The following SIN3A variants were observed in gnomAD, a reference collection of about 807,000 sequenced individuals.
SIN3A encodes paired amphipathic helix protein Sin3a.
In SIN3A, 14 loss-of-function variants were observed where a neutral mutation model predicts 146.1. The ratio of observed to expected loss-of-function variants is 0.10; its 90% CI spans 0.06 to 0.15. SIN3A has a LOEUF of 0.15. SIN3A is among the 10% of genes least tolerant of loss of function. The pLI is 1.00. For synonymous variants in SIN3A, 572 were observed against 572.0 expected, an observed-to-expected ratio of 1.00 and a Z score of 0.00; for missense variants, 1,028 against 1,576.0, an observed-to-expected ratio of 0.65 and a Z score of 5.89.
chr15:75,412,321 C>T (rs895111171), intron 5 of SIN3A, among the ~76,000 whole-genome samples: 1 of 152,206 alleles, frequency 6.6e-6, no homozygotes, highest in African/African-American at 2.4e-5. Context: ...ACCAAGAACA[C>T]CCCATCTTCA....
At chr15:75,387,239 T>G (rs2073102449) in intron 16 of SIN3A, among the ~76,000 whole-genome samples, 1 of 152,112 alleles carries the variant, frequency 6.6e-6, no homozygotes, top group Admixed American at 6.5e-5. Flanking sequence ...AAAAAGTCAC[T>G]GTAGGCTGGG....
chr15:75,427,529 G>A (rs921107132), intron 2 of SIN3A, among the ~76,000 whole-genome samples: 23 of 150,684 alleles, frequency 1.5e-4, no homozygotes, highest in Admixed American at 9.9e-4. Flanking sequence ...GCGTGGTGGT[G>A]CACGCCTGTA....
chr15:75,383,719 G>T (rs1347936145), intron 17 of SIN3A, among the ~76,000 whole-genome samples: 1 of 151,968 alleles, frequency 6.6e-6, no homozygotes, highest in Non-Finnish European at 1.5e-5. Context: ...TAGTAGAGAC[G>T]GGGGCAATCC....
chr15:75,396,780 C>G (rs760406122), intron 12 of SIN3A, among the ~76,000 whole-genome samples: 3 of 152,138 alleles, frequency 2.0e-5, no homozygotes, highest in Non-Finnish European at 4.4e-5. Flanking sequence ...GTAGTTATTA[C>G]CACCACCGTC....
chr15:75,389,233 G>A (rs1464654714), intron 16 of SIN3A, among the ~76,000 whole-genome samples: 1 of 151,978 alleles, frequency 6.6e-6, no homozygotes, highest in Admixed American at 6.6e-5. Context: ...GGCCAAGACA[G>A]GAGGATCACT....
chr15:75,372,720 C>T (rs564486822), intron 20 of SIN3A, among the ~76,000 whole-genome samples: 1 of 149,748 alleles, frequency 6.7e-6, no homozygotes, highest in East Asian at 2.0e-4. Flanking sequence ...ACTTGGTAGG[C>T]TGAAGTGGGA....
chr15:75,373,630 C>T (rs1350604433), intron 20 of SIN3A, among the ~76,000 whole-genome samples: 1 of 151,976 alleles, frequency 6.6e-6, no homozygotes, highest in African/African-American at 2.4e-5. Flanking sequence ...ACAGTATAGG[C>T]TGGGCACAGT....
intron 9 of SIN3A, among the ~76,000 whole-genome samples, chr15:75,405,488 C>A (rs988304629): frequency 6.6e-6 from 1 of 151,928 alleles, no homozygotes; most frequent in Non-Finnish European, 1.5e-5. Flanking sequence ...GGTGTGGTGG[C>A]TCACACCTGT....
chr15:75,434,582 G>A (rs1446323780), intron 1 of SIN3A, among the ~76,000 whole-genome samples: 14 of 149,366 alleles, frequency 9.4e-5, no homozygotes, highest in East Asian at 2.0e-4. Flanking sequence ...CCTGGGAGGT[G>A]GAGGTTGCAG....
At chr15:75,398,495 G>A (rs2141446693) in intron 12 of SIN3A, among the ~76,000 whole-genome samples, 1 of 152,098 alleles carries the variant, frequency 6.6e-6, no homozygotes, top group African/African-American at 2.4e-5. Context: ...GGTCAACATG[G>A]TGAAACCCAT....
intron 1 of SIN3A, among the ~76,000 whole-genome samples, chr15:75,439,959 T>C (rs1255129971): frequency 6.6e-6 from 1 of 151,542 alleles, no homozygotes; most frequent in Non-Finnish European, 1.5e-5. Context: ...AAGACCAGCC[T>C]GGTCAACATG....
At chr15:75,404,294 C>G (rs1046820394) in intron 9 of SIN3A, among the ~76,000 whole-genome samples, 3 of 152,170 alleles carry the variant, frequency 2.0e-5, no homozygotes, top group African/African-American at 7.2e-5. Flanking sequence ...AGCTTTTAAA[C>G]ATACACAAAA....
Position 75,372,068 on chromosome 15 carries a change from A to G in SIN3A, c.3733T>C (p.Cys1245Arg), listed in dbSNP as rs770810861. The G allele has an allele frequency of 1.2e-6, 2 of 1,614,192 alleles. No homozygotes were observed. Among genetic ancestry groups the G allele is most frequent in the Non-Finnish European group, 1.7e-6 (2 of 1,180,038 alleles). Residue 1245 changes from cysteine to arginine, a missense_variant, in exon 21 of 21, where the codon TGT (cysteine) becomes CGT (arginine). Around this residue, in one of 9 missense-constraint regions of SIN3A, gnomAD observed 488 missense variants for 690.2 expected, o/e 0.71. Transcript: ENST00000394947. ...MGEGLEGLVPCTTTCDTETLH... is the reference protein window; with the variant it reads ...MGEGLEGLVPRTTTCDTETLH... Reference sequence around the variant, plus strand: ...GTCTCTGTATCACAGGTGGTGGTACAGGGCACCAGGCCCTCCAGCCCCTCA... The same window carrying G: ...GTCTCTGTATCACAGGTGGTGGTACGGGGCACCAGGCCCTCCAGCCCCTCA...
Position 75,381,630 on chromosome 15 carries a change from C to A in SIN3A, c.3271G>T (p.Asp1091Tyr). Residue 1091 changes from aspartate (D) to tyrosine (Y), a missense_variant, in exon 18 of 21, where the codon GAC becomes TAC. This residue lies in a region of SIN3A where 488 missense variants were observed against 690.2 expected (regional missense o/e 0.71). Coordinates refer to ENST00000394947, the MANE Select transcript of SIN3A (RefSeq NM_001145358.2). ...LLDTEEENSD[D>Y]PVEAERWSDY... Reference sequence around the variant, plus strand: ...GCTCATACCTCTGCTTCCACAGGGTCATCCGAATTCTCCTCTTCTGTGTCC... The same window carrying A: ...GCTCATACCTCTGCTTCCACAGGGTAATCCGAATTCTCCTCTTCTGTGTCC... 6.2e-7 allele frequency: 1 copy of A among 1,613,732 alleles called. No individual in the cohort carries two copies. Among genetic ancestry groups the A allele is most frequent in the South Asian group, 1.1e-5 (1 of 91,018 alleles).
At chr15:75,395,887 AGAGT>A (rs1228417838) in intron 13 of SIN3A, among the ~76,000 whole-genome samples, 3 of 152,204 alleles carry the variant, frequency 2.0e-5, no homozygotes, top group African/African-American at 7.2e-5. Context: ...CCTGGGTGAA[AGAGT>A]GAGATCTTGT....
chr15:75,377,064 C>T (rs1161880710), intron 19 of SIN3A, among the ~76,000 whole-genome samples: 1 of 152,060 alleles, frequency 6.6e-6, no homozygotes, highest in Non-Finnish European at 1.5e-5. Flanking sequence ...TGCACTGGCA[C>T]CATTAAAGTA....
chr15:75,432,624 T>C (rs553459866), intron 1 of SIN3A, among the ~76,000 whole-genome samples: 7 of 148,550 alleles, frequency 4.7e-5, no homozygotes, highest in African/African-American at 1.5e-4. Context: ...GAGGCAGAGG[T>C]TGCATGAGGG....
chr15:75,430,814 T>C (rs1175329837), intron 1 of SIN3A, among the ~76,000 whole-genome samples: 1 of 152,072 alleles, frequency 6.6e-6, no homozygotes, highest in Non-Finnish European at 1.5e-5. Context: ...TCTCACTCTG[T>C]TGCCCAGGCT....
chr15:75,384,384 C>T lies in SIN3A; in HGVS notation c.3075G>A (p.Leu1025=). The change falls in exon 17 of 21, where the codon CTG becomes CTA. Residue 1025 remains leucine, a synonymous_variant. Coordinates refer to ENST00000394947, the MANE Select transcript of SIN3A (RefSeq NM_001145358.2). ...CGGTGGCCCCATTATTATTTTCTGC[C>T]AGGTAAAGGTCAGTCACCTGCACAC... ...EICVQVTDLY[L]AENNNGATGG... 6.2e-7 allele frequency: 1 copy of T among 1,613,762 alleles called. No homozygotes were observed. Among genetic ancestry groups the T allele is most frequent in the Non-Finnish European group, 8.5e-7 (1 of 1,179,760 alleles).
Sources: allele counts gnomAD v4.1 joint callset (sites outside exome capture counted in the v4.1 genomes callset), GRCh38; gene constraint gnomAD v4.1.1; regional missense constraint gnomAD v4.1.1; transcripts MANE v1.5; gene names NCBI Gene and HGNC (gene_info 2026-07-23, HGNC 2026-07-21).